ITPRID2: variants seen among roughly 807,000 people sequenced by gnomAD.
The protein encoded by ITPRID2 is ITPR interacting domain containing 2, also known as protein ITPRID2.
Under a neutral mutation model 124.3 loss-of-function variants are expected in ITPRID2, and 60 were observed. That is an observed-to-expected ratio of 0.48 (90% confidence interval 0.39 to 0.60). The LOEUF (loss-of-function observed/expected upper bound fraction) is 0.60. ITPRID2 is among the 20% of genes least tolerant of loss of function. The probability of loss-of-function intolerance (pLI) is 0.00; values close to 1 mark genes in which losing one functional copy is unlikely to be tolerated. For missense variants in ITPRID2, 1,553 were observed against 1,512.2 expected, an observed-to-expected ratio of 1.03 and a Z score of -0.45; for synonymous variants, 521 against 542.9, an observed-to-expected ratio of 0.96 and a Z score of 0.56.
intron 16 of ITPRID2, among the ~76,000 whole-genome samples, chr2:181,925,627 C>T (rs1694790197): frequency 6.6e-6 from 1 of 152,138 alleles, no homozygotes. Context: ...CAGACGCTTA[C>T]TGAGTTCTTA....
rs561206487 is a variant in ITPRID2, at chr2:181,922,159, C to A, written c.3422C>A (p.Pro1141Gln). The change falls in exon 16 of 18, where the codon CCA (proline) becomes CAA (glutamine). Residue 1141 changes from proline (P) to glutamine (Q), a missense_variant. Pro to Gln is a moderately conservative substitution (Grantham distance 76). Transcript: ENST00000431877. Reference sequence around the variant, plus strand: ...GCCTCAGTGGGCAAATCCAAAACCCCATTAGTGGCAAGGAAGAAAGTGTTC... The same window carrying A: ...GCCTCAGTGGGCAAATCCAAAACCCAATTAGTGGCAAGGAAGAAAGTGTTC... ...STASVGKSKT[P>Q]LVARKKVFRA... The A allele has an allele frequency of 1.7e-5, 28 of 1,614,230 alleles. No homozygotes were observed. In the South Asian group the frequency reaches 3.0e-4, roughly 17 times the overall value.
Position 181,910,124 on chromosome 2 carries a change from CT to C in ITPRID2, c.1486+160del, listed in dbSNP as rs1298854145. ...GCATGATTCACTATTGTTTGTAGAA[CT>C]TTTTTTGTATTTTTTAAAAGACTTT... On this transcript the variant is annotated intron_variant, in intron 9 of 17. Transcript: ENST00000431877. This position sits in a 1 kb window ranked among gnomAD's most constrained non-coding sequence, Gnocchi z 4.1. 2.0e-5 allele frequency among the ~76,000 whole-genome samples: 3 copies of C among 152,038 alleles called. No homozygotes were observed. Among genetic ancestry groups the C allele is most frequent in the Non-Finnish European group, 4.4e-5 (3 of 67,986 alleles).
intron 4 of ITPRID2, among the ~76,000 whole-genome samples, chr2:181,898,083 G>A (rs1692357164): frequency 6.6e-6 from 1 of 151,960 alleles, no homozygotes; most frequent in Non-Finnish European, 1.5e-5. Flanking sequence ...AATCTATTAT[G>A]TTGTTTTACT....
intron 9 of ITPRID2, among the ~76,000 whole-genome samples, chr2:181,911,108 G>GT (rs952964661): frequency 5.3e-5 from 8 of 152,074 alleles, no homozygotes; most frequent in African/African-American, 1.7e-4. Context: ...TCATATCTGG[G>GT]TTTTTTCCTT....
chr2:181,892,025 C>T lies in ITPRID2; in HGVS notation c.-42C>T, dbSNP rs760592361. The T allele has an allele frequency of 2.6e-6, 4 of 1,538,366 alleles. No homozygotes were observed. In the Admixed American group the frequency reaches 5.9e-5, roughly 23 times the overall value. On this transcript the variant is annotated 5_prime_UTR_variant, in exon 1 of 18. Transcript: ENST00000431877. The surrounding 1 kb of genome is among the most constrained non-coding windows in gnomAD (Gnocchi z 5.2). ...GGGGGTCCCTGCCGCCGCCTTGTCT[C>T]GCGCAGGGTCCGGCTGGGGTAGCGG...
intron 17 of ITPRID2, among the ~76,000 whole-genome samples, chr2:181,929,316 T>C (rs1035603455): frequency 1.3e-5 from 2 of 152,036 alleles, no homozygotes; most frequent in African/African-American, 4.8e-5. Context: ...AAGTATAATA[T>C]ACAATTTCAG....
At chr2:181,901,265 G>A (rs1003642126) in intron 7 of ITPRID2, among the ~76,000 whole-genome samples, 2 of 152,134 alleles carry the variant, frequency 1.3e-5, no homozygotes, top group Non-Finnish European at 2.9e-5. Context: ...AATTTGATCA[G>A]TTTCACTCAT....
Position 181,902,329 on chromosome 2 carries a change from C to A in ITPRID2, c.1276C>A (p.His426Asn). ...KLDSDFNISSHSELENSSELK... is the reference protein window; with the variant it reads ...KLDSDFNISSNSELENSSELK... ...AGATAGTGATTTCAACATATCCAGC[C>A]ACAGTGAGCTGGAAAATAGCAGTGA... Residue 426 changes from histidine to asparagine, a missense_variant, in exon 8 of 18, where the codon CAC becomes AAC. By Grantham distance (68) the His-to-Asn change is moderately conservative (BLOSUM62 1). Coordinates refer to ENST00000431877, the MANE Select transcript of ITPRID2 (RefSeq NM_001130445.3). The surrounding 1 kb of genome is among the most constrained non-coding windows in gnomAD (Gnocchi z 4.4). 1 of 1,613,754 alleles carries A rather than the reference C, an allele frequency of 6.2e-7. No individual in the cohort carries two copies. Among genetic ancestry groups the A allele is most frequent in the Non-Finnish European group, 8.5e-7 (1 of 1,179,776 alleles).
chr2:181,902,205 T>C lies in ITPRID2; in HGVS notation c.1152T>C (p.Asn384=), dbSNP rs1346702827. 6.2e-7 allele frequency: 1 copy of C among 1,613,548 alleles called. No homozygotes were observed. Among genetic ancestry groups the C allele is most frequent in the African/African-American group, 1.3e-5 (1 of 75,010 alleles). The change falls in exon 8 of 18, where the codon AAT becomes AAC. Residue 384 remains asparagine (N), a synonymous_variant. Coordinates refer to ENST00000431877, the MANE Select transcript of ITPRID2 (RefSeq NM_001130445.3). This position sits in a 1 kb window ranked among gnomAD's most constrained non-coding sequence, Gnocchi z 4.4. ...ADSDRISDEA[N]SNFNQGTENE... ...GTGATAGAATTTCTGATGAAGCAAA[T>C]AGTAATTTTAACCAAGGAACTGAAA...
At position 181,913,913 on chromosome 2, in the gene ITPRID2, C is replaced by T. The variant is rs1307597642; in HGVS notation, c.1555C>T (p.Leu519=). ...SGFAEDSTDC[L]SLNHLQVQES... is the part of the protein sequence containing the mutation. ...TTTTGCTGAAGATTCTACAGACTGC[C>T]TATCCCTTAATCATCTTCAGGTAAA... Residue 519 remains leucine, a synonymous_variant, in exon 10 of 18, where the codon CTA becomes TTA. Transcript: ENST00000431877. 2.5e-6 allele frequency: 4 copies of T among 1,612,954 alleles called. No homozygotes were observed. Among genetic ancestry groups the T allele is most frequent in the East Asian group, 4.5e-5 (2 of 44,764 alleles).
rs1401235323 is a variant in ITPRID2 at position 181,905,402 on chromosome 2, C to A, written c.1413+2936C>A. Among the ~76,000 whole-genome samples, 1 of 152,124 alleles carries A rather than the reference C, an allele frequency of 6.6e-6. No individual in the cohort carries two copies. Among genetic ancestry groups the A allele is most frequent in the African/African-American group, 2.4e-5 (1 of 41,410 alleles). On this transcript the variant is annotated intron_variant, in intron 8 of 17. Coordinates refer to ENST00000431877, the MANE Select transcript of ITPRID2 (RefSeq NM_001130445.3). The surrounding 1 kb of genome is among the most constrained non-coding windows in gnomAD (Gnocchi z 4.1). ...CCTGTTCTTGAATTTCTAATTATTCCAAATGACTTGCTTCATTAATTCTTG... is the reference window on the plus strand; with the variant it reads ...CCTGTTCTTGAATTTCTAATTATTCAAAATGACTTGCTTCATTAATTCTTG...
rs1428707797 is a variant in ITPRID2 at position 181,919,742 on chromosome 2, T to C, written c.3144+296T>C. ...AAGGAAAAATGCTAGTGAATTAACATATGACTAATGTAAATTTTAATTGTT... is the reference window on the plus strand; with the variant it reads ...AAGGAAAAATGCTAGTGAATTAACACATGACTAATGTAAATTTTAATTGTT... On this transcript the variant is annotated intron_variant, in intron 14 of 17. Transcript: ENST00000431877. This position sits in a 1 kb window ranked among gnomAD's most constrained non-coding sequence, Gnocchi z 4.2. 6.6e-6 allele frequency among the ~76,000 whole-genome samples: 1 copy of C among 152,088 alleles called. No homozygotes were observed. The highest frequency in any genetic ancestry group is 1.5e-5 in the Non-Finnish European group (1 of 68,012).
intron 9 of ITPRID2, among the ~76,000 whole-genome samples, chr2:181,913,176 T>A (rs191005112): frequency 0.012 from 1,841 of 152,252 alleles, 137 homozygotes; most frequent in Admixed American, 0.11. Context: ...TACTCCATTC[T>A]CCTGCCTCAG....
At position 181,916,323 on chromosome 2, in the gene ITPRID2, A is replaced by G. The variant is rs1694045791; in HGVS notation, c.2683A>G (p.Thr895Ala). ...GTGTCCTTACTCACATAGACATGCC[A>G]CCTACCCTTACCGAGTGTGCTCTGT... ...FGCPYSHRHATYPYRVCSVNP... is the reference protein window; with the variant it reads ...FGCPYSHRHAAYPYRVCSVNP... Residue 895 changes from threonine to alanine, a missense_variant, in exon 11 of 18, where the codon ACC (threonine) becomes GCC (alanine). Coordinates refer to ENST00000431877, the MANE Select transcript of ITPRID2 (RefSeq NM_001130445.3). 6.2e-7 allele frequency: 1 copy of G among 1,614,048 alleles called. No individual in the cohort carries two copies. The highest frequency in any genetic ancestry group is 8.5e-7 in the Non-Finnish European group (1 of 1,180,028).
chr2:181,906,068 A>G (rs985286441), intron 8 of ITPRID2, among the ~76,000 whole-genome samples: 5 of 152,226 alleles, frequency 3.3e-5, no homozygotes, highest in Non-Finnish European at 7.3e-5. Context: ...TTTTGTGTGT[A>G]TGTGTAAAAC....
chr2:181,911,916 TC>T, intron 9 of ITPRID2, among the ~76,000 whole-genome samples: 1 of 152,174 alleles, frequency 6.6e-6, no homozygotes, highest in East Asian at 1.9e-4. Context: ...CCAAACCTGC[TC>T]TGAAGTCTGA....
At position 181,907,597 on chromosome 2, in the gene ITPRID2, TATAGCAAATG is replaced by T. The variant is rs1311796867; in HGVS notation, c.1414-2300_1414-2291del. ...TTCTTGTTAATTATGAAAGGCTGCT[TATAGCAAATG>T]ACCAGAATTCTACGGAGCATTTGAA... is the stretch of plus-strand genomic sequence containing the variant. On this transcript the variant is annotated intron_variant, in intron 8 of 17. Coordinates refer to ENST00000431877, the MANE Select transcript of ITPRID2 (RefSeq NM_001130445.3). The surrounding 1 kb of genome is among the most constrained non-coding windows in gnomAD (Gnocchi z 5.1). 6.6e-6 allele frequency among the ~76,000 whole-genome samples: 1 copy of T among 152,218 alleles called. No individual in the cohort carries two copies. Among genetic ancestry groups the T allele is most frequent in the Non-Finnish European group, 1.5e-5 (1 of 68,030 alleles).
rs184250767 is a variant in ITPRID2 at position 181,895,754 on chromosome 2, C to A, written c.258-276C>A. ...CTCTCTTTTTTGCAAAGAAAAATGC[C>A]AATTCAAATCATTTGTCATTGCCAT... On this transcript the variant is annotated intron_variant, in intron 2 of 17. Transcript: ENST00000431877. 3.1e-4 allele frequency among the ~76,000 whole-genome samples: 47 copies of A among 152,054 alleles called. No homozygotes were observed. In the East Asian group the frequency reaches 6.9e-3, roughly 22 times the overall value.
At chr2:181,918,488 G>T (rs1694244366) in intron 11 of ITPRID2, 110 bp from the exon 12 acceptor site, 2 of 1,505,808 alleles carry the variant, frequency 1.3e-6, no homozygotes, top group Non-Finnish European at 1.8e-6. Context: ...GGATCCTTTT[G>T]TCTTAAAGAG....
Sources: gnomAD v4.1 joint callset for allele counts (sites outside exome capture counted in the v4.1 genomes callset) on GRCh38, gnomAD v4.1.1 for gene constraint, Gnocchi (gnomAD v3.1) non-coding constraint, MANE v1.5 for transcripts, NCBI Gene and HGNC (gene_info 2026-07-23, HGNC 2026-07-21) for gene names.